AP3M2: variants seen among roughly 807,000 people sequenced by gnomAD.
AP3M2 encodes adaptor related protein complex 3 subunit mu 2.
Under a neutral mutation model 41.6 loss-of-function variants are expected in AP3M2, and 28 were observed. The ratio of observed to expected loss-of-function variants is 0.67; its 90% CI spans 0.50 to 0.92. The LOEUF is 0.92. Among genes scored for constraint, AP3M2 ranks in the 40% least tolerant of loss-of-function variants. AP3M2 has a pLI of 0.00. For missense variants in AP3M2, 427 were observed against 521.4 expected (o/e 0.82, Z 1.76); for synonymous variants, 193 against 186.4 (o/e 1.04, Z -0.29).
At chr8:42,165,644 C>A in intron 6 of AP3M2, 84 bp downstream of exon 6, 1 of 1,509,194 alleles carries the variant, frequency 6.6e-7, no homozygotes. Context: ...AGAACTCAGG[C>A]TCTAGAGTTA....
Position 42,154,900 on chromosome 8 carries a change from G to A in AP3M2, c.213G>A (p.Gln71=), listed in dbSNP as rs1461877841. The change falls in exon 2 of 9, where the codon CAG becomes CAA. Residue 71 remains glutamine (Q), a synonymous_variant. Transcript: ENST00000396926. ...AGATCTTTTTTGTGGCCGTGATCCA[G>A]ACGGAGGTCCCCCCTCTGTTTGTCA... ...RHKIFFVAVI[Q]TEVPPLFVIE... The A allele has an allele frequency of 1.2e-6, 2 of 1,614,038 alleles. No individual in the cohort carries two copies. The highest frequency in any genetic ancestry group is 2.7e-5 in the African/African-American group (2 of 74,896).
intron 4 of AP3M2, among the ~76,000 whole-genome samples, chr8:42,164,501 AG>A (rs1306959995): frequency 1.3e-5 from 2 of 152,230 alleles, no homozygotes; most frequent in African/African-American, 2.4e-5. Flanking sequence ...AAAGCATTTA[AG>A]GGATGTGCAA....
chr8:42,163,407 C>T (rs1478184068), intron 4 of AP3M2, among the ~76,000 whole-genome samples: 2 of 152,102 alleles, frequency 1.3e-5, no homozygotes, highest in Non-Finnish European at 2.9e-5. Flanking sequence ...ATAGTGGGCA[C>T]TTGATGATGA....
chr8:42,157,302 A>G (rs978673598), intron 2 of AP3M2, among the ~76,000 whole-genome samples: 4 of 152,238 alleles, frequency 2.6e-5, no homozygotes, highest in African/African-American at 9.6e-5. Context: ...ATTAATTAAC[A>G]TGACTTAATC....
chr8:42,160,086 A>G (rs111849548), intron 3 of AP3M2, among the ~76,000 whole-genome samples: 5 of 152,244 alleles, frequency 3.3e-5, no homozygotes, highest in African/African-American at 9.6e-5. Flanking sequence ...ATGCTCTACA[A>G]TCCAAAACTT....
chr8:42,157,528 A>G (rs1804385815), intron 2 of AP3M2, among the ~76,000 whole-genome samples: 1 of 152,204 alleles, frequency 6.6e-6, no homozygotes, highest in Non-Finnish European at 1.5e-5. Flanking sequence ...TCACTGCATG[A>G]ATGTTAAGAA....
chr8:42,168,853 C>G, intron 8 of AP3M2, 108 bp from the exon 9 acceptor site: 1 of 761,130 alleles, frequency 1.3e-6, no homozygotes, highest in Non-Finnish European at 2.1e-6. Flanking sequence ...TTCCCTGTCA[C>G]AGCAATGTCG....
intron 3 of AP3M2, among the ~76,000 whole-genome samples, chr8:42,159,851 A>T (rs763793004): frequency 1.3e-5 from 2 of 152,250 alleles, no homozygotes; most frequent in Non-Finnish European, 2.9e-5. Flanking sequence ...TAGCCAGGAC[A>T]GTTTTGGAAA....
rs964354090 is a variant in AP3M2 at position 42,169,836 on chromosome 8, C to T, written c.*775C>T. On this transcript the variant is annotated 3_prime_UTR_variant, in exon 9 of 9. Coordinates refer to ENST00000396926, the MANE Select transcript of AP3M2 (RefSeq NM_006803.4). ...TCTTATCTTCAGTGAGAAGGTGACC[C>T]GCCTTCTTCCCATGGTGGCTGCCTA... 2.6e-5 allele frequency: 4 copies of T among 152,202 alleles called. No individual in the cohort carries two copies. The highest frequency in any genetic ancestry group is 4.4e-5 in the Non-Finnish European group (3 of 68,048). 9.4% of individuals were successfully genotyped at this position (152,202 alleles called of 1,614,324 possible).
At chr8:42,164,310 T>G (rs1037220475) in intron 4 of AP3M2, among the ~76,000 whole-genome samples, 6 of 152,154 alleles carry the variant, frequency 3.9e-5, no homozygotes, top group African/African-American at 1.4e-4. Flanking sequence ...GAGAATGGAC[T>G]CATTTCTGAC....
chr8:42,157,888 T>G, intron 2 of AP3M2, 53 bp from the exon 3 acceptor site: 1 of 1,506,682 alleles, frequency 6.6e-7, no homozygotes, highest in Non-Finnish European at 9.1e-7. Context: ...TTTTATTTAT[T>G]TATTTATTTT....
At chr8:42,155,939 T>C (rs1389584676) in intron 2 of AP3M2, 3 of 455,064 alleles carry the variant, frequency 6.6e-6, no homozygotes, top group Admixed American at 2.4e-5. Flanking sequence ...CCCAAGAGAA[T>C]TAAAATACAT....
chr8:42,162,544 C>A, intron 4 of AP3M2, 126 bp downstream of exon 4: 1 of 1,102,298 alleles, frequency 9.1e-7, no homozygotes, highest in Non-Finnish European at 1.3e-6. Context: ...CTACTTTGTG[C>A]CAGGCACTGT....
In AP3M2 at chr8:42,162,834, T is replaced by C. The variant is rs182363974; in HGVS notation, c.583+416T>C. On this transcript the variant is annotated intron_variant, in intron 4 of 8. Coordinates refer to ENST00000396926, the MANE Select transcript of AP3M2 (RefSeq NM_006803.4). ...AGTTGTGCATGCCTGTATTCCTAAC[T>C]TTGTGAGGGGCTGAGGTAGGAGGAT... 2.7e-5 allele frequency among the ~76,000 whole-genome samples: 4 copies of C among 150,644 alleles called. No individual in the cohort carries two copies. The Admixed American group carries it at 2.7e-4, about 10-fold the overall frequency.
chr8:42,158,101 AC>A lies in AP3M2; in HGVS notation c.435del (p.Asn145LysfsTer28). 6.2e-7 allele frequency: 1 copy of A among 1,613,448 alleles called. No homozygotes were observed. Among genetic ancestry groups the A allele is most frequent in the East Asian group, 2.2e-5 (1 of 44,844 alleles). ...CCTACCATCCTTCGAACGGTTGTCA[AC>A]ACCATCACAGGTACGGCAGAGGGGG... ...KPPTILRTVVNTITGSTNVGD... is the reference protein window; with the variant it reads ...KPPTILRTVVXTITGSTNVGD... On this transcript the variant is annotated frameshift_variant, in exon 3 of 9. Coordinates refer to ENST00000396926, the MANE Select transcript of AP3M2 (RefSeq NM_006803.4). LOFTEE classifies it high-confidence loss of function.
At chr8:42,157,892 T>G (rs754219052) in intron 2 of AP3M2, 49 bp from the exon 3 acceptor site, 1 of 1,522,330 alleles carries the variant, frequency 6.6e-7, no homozygotes, top group East Asian at 2.3e-5. Context: ...ATTTATTTAT[T>G]TATTTTACAG....
chr8:42,163,226 C>T (rs1418408604), intron 4 of AP3M2, among the ~76,000 whole-genome samples: 3 of 151,540 alleles, frequency 2.0e-5, no homozygotes, highest in Non-Finnish European at 2.9e-5. Context: ...TTGGAGACTG[C>T]GGTGAGCTAT....
chr8:42,159,509 CTA>C (rs1804448048), intron 3 of AP3M2, among the ~76,000 whole-genome samples: 1 of 152,140 alleles, frequency 6.6e-6, no homozygotes, highest in African/African-American at 2.4e-5. Flanking sequence ...TGTTTTTCCT[CTA>C]TTGTGAATTA....
chr8:42,165,182 T>C, intron 5 of AP3M2, 26 bp downstream of exon 5: 1 of 1,601,756 alleles, frequency 6.2e-7, no homozygotes, highest in Non-Finnish European at 8.5e-7. Flanking sequence ...AGAGATTAAG[T>C]TCTTGGGATG....
Sources: allele counts gnomAD v4.1 joint callset (sites outside exome capture counted in the v4.1 genomes callset), GRCh38; gene constraint gnomAD v4.1.1; transcripts MANE v1.5; gene names NCBI Gene and HGNC (gene_info 2026-07-23, HGNC 2026-07-21).